The following SNTB2 variants were observed in gnomAD, a reference collection of about 807,000 sequenced individuals.
The protein encoded by SNTB2 is syntrophin beta 2, also known as beta-2-syntrophin.
SNTB2 carries 34 observed loss-of-function variants against 46.2 expected under a neutral mutation model. The observed-to-expected ratio is 0.74, with a 90% confidence interval of 0.56 to 0.98. The LOEUF (loss-of-function observed/expected upper bound fraction) is 0.98, where lower values mean the gene tolerates loss of function less well. Ranked by LOEUF, SNTB2 falls within the 50% of genes least tolerant of loss-of-function variation. SNTB2 has a pLI of 0.00. For missense variants in SNTB2, 603 were observed against 731.4 expected (o/e 0.82, Z 2.02); for synonymous variants, 290 against 312.6 (o/e 0.93, Z 0.76).
intron 1 of SNTB2, among the ~76,000 whole-genome samples, chr16:69,244,582 T>C (rs932296635): frequency 6.6e-6 from 1 of 152,234 alleles, no homozygotes; most frequent in Non-Finnish European, 1.5e-5. Context: ...ATTGTAGTCA[T>C]GACTGAAGTA....
At chr16:69,200,562 A>C (rs1396130971) in intron 1 of SNTB2, among the ~76,000 whole-genome samples, 1 of 152,268 alleles carries the variant, frequency 6.6e-6, no homozygotes, top group Non-Finnish European at 1.5e-5. Context: ...AATGGCGTCA[A>C]GGAGAGGTTC....
chr16:69,288,531 A>G (rs550626689), intron 5 of SNTB2, among the ~76,000 whole-genome samples: 5 of 152,216 alleles, frequency 3.3e-5, no homozygotes, highest in Non-Finnish European at 7.3e-5. Context: ...TCAAAAGACA[A>G]AAAATAACAG....
At chr16:69,203,956 G>A (rs757886127) in intron 1 of SNTB2, among the ~76,000 whole-genome samples, 8 of 151,878 alleles carry the variant, frequency 5.3e-5, no homozygotes, top group Non-Finnish European at 1.2e-4. Flanking sequence ...GTAGTGGCGC[G>A]ATCCCGGCTT....
At chr16:69,264,639 G>A (rs1964867953) in intron 3 of SNTB2, among the ~76,000 whole-genome samples, 1 of 152,092 alleles carries the variant, frequency 6.6e-6, no homozygotes, top group Non-Finnish European at 1.5e-5. Flanking sequence ...GGGAAAAGTG[G>A]ACACCTAAGT....
chr16:69,248,547 G>C (rs1159636870), intron 2 of SNTB2, among the ~76,000 whole-genome samples: 1 of 152,148 alleles, frequency 6.6e-6, no homozygotes, highest in African/African-American at 2.4e-5. Context: ...CAGGAGAATT[G>C]CTTGAACCTG....
intron 2 of SNTB2, among the ~76,000 whole-genome samples, chr16:69,250,984 T>TG (rs1964719796): frequency 6.6e-6 from 1 of 150,404 alleles, no homozygotes; most frequent in African/African-American, 2.4e-5. Context: ...TTTATCTGTT[T>TG]TTTTTTTTTT....
chr16:69,203,739 G>A (rs1964188183), intron 1 of SNTB2, among the ~76,000 whole-genome samples: 1 of 151,914 alleles, frequency 6.6e-6, no homozygotes, highest in Non-Finnish European at 1.5e-5. Flanking sequence ...TATTGCAGTG[G>A]GAATCCATTG....
chr16:69,200,483 A>G (rs1348876414), intron 1 of SNTB2, among the ~76,000 whole-genome samples: 2 of 152,188 alleles, frequency 1.3e-5, no homozygotes, highest in African/African-American at 4.8e-5. Flanking sequence ...ATGGGTTGAA[A>G]TACAAGAAAA....
At chr16:69,251,446 C>T (rs1264639635) in intron 2 of SNTB2, among the ~76,000 whole-genome samples, 3 of 132,258 alleles carry the variant, frequency 2.3e-5, no homozygotes, top group African/African-American at 8.6e-5. Flanking sequence ...AGTGGAATTG[C>T]TGGATAGGTG....
intron 5 of SNTB2, among the ~76,000 whole-genome samples, chr16:69,292,299 A>C (rs1597203376): frequency 6.9e-6 from 1 of 144,024 alleles, no homozygotes; most frequent in East Asian, 2.0e-4. Flanking sequence ...TGTACTATCT[A>C]CACAAAGTGG....
intron 1 of SNTB2, among the ~76,000 whole-genome samples, chr16:69,208,483 TA>T (rs1488215022): frequency 6.6e-6 from 1 of 152,198 alleles, no homozygotes; most frequent in South Asian, 2.1e-4. Flanking sequence ...AGCTTACTTT[TA>T]TGAGCTTAAA....
At chr16:69,205,155 ATTCT>A (rs1964201760) in intron 1 of SNTB2, among the ~76,000 whole-genome samples, 2 of 147,842 alleles carry the variant, frequency 1.4e-5, no homozygotes, top group African/African-American at 5.0e-5. Flanking sequence ...TGTTAACAGA[ATTCT>A]TTTTTTTTTT....
At chr16:69,226,605 C>CTGCA (rs1325389957) in intron 1 of SNTB2, among the ~76,000 whole-genome samples, 1 of 152,172 alleles carries the variant, frequency 6.6e-6, no homozygotes, top group African/African-American at 2.4e-5. Context: ...TTGTGGCTCA[C>CTGCA]TGCAGCCTCA....
intron 5 of SNTB2, among the ~76,000 whole-genome samples, chr16:69,298,464 G>A (rs573013443): frequency 2.8e-4 from 41 of 145,006 alleles, no homozygotes; most frequent in African/African-American, 1.0e-3. Context: ...TTCTTGCCCA[G>A]TTCAGTCCTT....
intron 1 of SNTB2, among the ~76,000 whole-genome samples, chr16:69,200,729 G>A (rs1964153072): frequency 6.6e-6 from 1 of 151,990 alleles, no homozygotes; most frequent in African/African-American, 2.4e-5. Flanking sequence ...TGTCCAGGCT[G>A]GTCTTGAACT....
chr16:69,220,534 G>T (rs1219400597), intron 1 of SNTB2, among the ~76,000 whole-genome samples: 91 of 140,988 alleles, frequency 6.5e-4, no homozygotes, highest in Admixed American at 3.1e-3. Flanking sequence ...TCCATGTTTT[G>T]TTTTTTTTTT....
Position 69,307,719 on chromosome 16 carries a change from A to G in SNTB2, c.*6795A>G, listed in dbSNP as rs1039651116. On this transcript the variant is annotated 3_prime_UTR_variant, in exon 7 of 7. Transcript: ENST00000336278. ...ATTAACAAAATCAGGCCAAGGCAGG[A>G]GGATCACTTTAGCCCAGGAGGTCCA... The G allele has an allele frequency of 2.6e-4, 39 of 152,094 alleles. No individual in the cohort carries two copies. Among genetic ancestry groups the G allele is most frequent in the African/African-American group, 8.9e-4 (37 of 41,498 alleles). The allele number at this position is 152,094 out of a possible 1,614,324, so 9.4% of individuals were successfully genotyped here. A position where few individuals can be genotyped will look rare whatever the true frequency, so the allele number is the denominator to read the frequency against.
chr16:69,220,809 G>A (rs887580609), intron 1 of SNTB2, among the ~76,000 whole-genome samples: 6 of 152,136 alleles, frequency 3.9e-5, no homozygotes, highest in African/African-American at 1.4e-4. Flanking sequence ...TAGGATTACA[G>A]GAATAAACCA....
rs59988708 is a variant in SNTB2, at chr16:69,202,358, C to G, written c.580+14612C>G. On this transcript the variant is annotated intron_variant, in intron 1 of 6. Coordinates refer to ENST00000336278, the MANE Select transcript of SNTB2 (RefSeq NM_006750.4). ...ATAATGGAAAATAGTATGGTAGTTA[C>G]TATTCATACTAAATGTAGGCTGTGA... Among the ~76,000 whole-genome samples the G allele has an allele frequency of 3.7e-3, 550 of 150,684 alleles. 3 individuals carry two copies. The highest frequency in any genetic ancestry group is 5.5e-3 in the Non-Finnish European group (375 of 67,976).
Sources: gnomAD v4.1 joint callset for allele counts (sites outside exome capture counted in the v4.1 genomes callset) on GRCh38, gnomAD v4.1.1 for gene constraint, MANE v1.5 for transcripts, NCBI Gene and HGNC (gene_info 2026-07-23, HGNC 2026-07-21) for gene names.